FRMPD4: variants seen among roughly 807,000 people sequenced by gnomAD.
The protein encoded by FRMPD4 is FERM and PDZ domain containing 4.
Under a neutral mutation model 94.1 loss-of-function variants are expected in FRMPD4, and 22 were observed. That is an observed-to-expected ratio of 0.23 (90% confidence interval 0.17 to 0.33). The LOEUF (loss-of-function observed/expected upper bound fraction) is 0.33, where lower values mean the gene tolerates loss of function less well. Among genes scored for constraint, FRMPD4 ranks in the 10% least tolerant of loss-of-function variants. FRMPD4 has a pLI of 1.00. For missense variants in FRMPD4, 1,111 were observed against 1,339.9 expected (o/e 0.83, Z 2.67); for synonymous variants, 631 against 548.6 (o/e 1.15, Z -2.10).
chrX:12,024,703 A>T (rs1024585697), intron 3 of FRMPD4, among the ~76,000 whole-genome samples: 11 of 112,340 alleles, frequency 9.8e-5, no homozygotes, highest in African/African-American at 3.6e-4. Flanking sequence ...AATAATTCAC[A>T]TGCTTGCTTT....
At chrX:12,624,714 T>C (rs73446863) in intron 4 of FRMPD4, among the ~76,000 whole-genome samples, 1,304 of 111,207 alleles carry the variant, frequency 0.012, 19 homozygotes, top group African/African-American at 0.039. Flanking sequence ...CTTTGTATAA[T>C]AGGAATCGCA....
chrX:12,153,123 A>G (rs984725027), intron 1 of FRMPD4, among the ~76,000 whole-genome samples: 101 of 110,362 alleles, frequency 9.2e-4, no homozygotes, highest in Middle Eastern at 4.7e-3. Context: ...TTTTTAGTAG[A>G]GACGGGGTTT....
At chrX:12,220,674 CAT>C (rs917020016) in intron 1 of FRMPD4, among the ~76,000 whole-genome samples, 3 of 111,904 alleles carry the variant, frequency 2.7e-5, no homozygotes, top group Non-Finnish European at 5.6e-5. Context: ...CTGTGGTTAA[CAT>C]ATAATATTTT....
At chrX:11,958,938 G>A (rs192850807) in intron 3 of FRMPD4, among the ~76,000 whole-genome samples, 77 of 111,941 alleles carry the variant, frequency 6.9e-4, no homozygotes, top group Admixed American at 5.7e-3. Context: ...AGCCAACATA[G>A]GATGTGTTTG....
intron 1 of FRMPD4, among the ~76,000 whole-genome samples, chrX:12,222,466 G>A (rs1217468910): frequency 8.9e-6 from 1 of 112,106 alleles, no homozygotes; most frequent in African/African-American, 3.2e-5. Flanking sequence ...TTGAATTATA[G>A]CTCTCCAAAA....
chrX:11,896,453 C>T (rs907366247), intron 3 of FRMPD4, among the ~76,000 whole-genome samples: 1 of 110,991 alleles, frequency 9.0e-6, no homozygotes, highest in African/African-American at 3.3e-5. Context: ...GATTCGTGCC[C>T]TTATCAAAGA....
intron 1 of FRMPD4, among the ~76,000 whole-genome samples, chrX:12,386,794 A>T (rs1470144521): frequency 9.0e-6 from 1 of 111,540 alleles, no homozygotes; most frequent in Non-Finnish European, 1.9e-5. Context: ...TAAAATGGCA[A>T]GAATTTGTCA....
chrX:12,150,657 G>C (rs1366780107), intron 1 of FRMPD4, among the ~76,000 whole-genome samples: 5 of 111,274 alleles, frequency 4.5e-5, no homozygotes, highest in Non-Finnish European at 9.4e-5. Flanking sequence ...AACTTTTTAC[G>C]ATAAAAGCAT....
At chrX:12,116,858 CT>C (rs772963243) in intron 3 of FRMPD4, among the ~76,000 whole-genome samples, 2 of 111,932 alleles carry the variant, frequency 1.8e-5, no homozygotes, top group Admixed American at 9.5e-5. Flanking sequence ...GATGAATAAC[CT>C]TTGAAAATCC....
At chrX:11,959,158 C>T (rs2054271635) in intron 3 of FRMPD4, among the ~76,000 whole-genome samples, 1 of 112,502 alleles carries the variant, frequency 8.9e-6, no homozygotes, top group Admixed American at 9.4e-5. Context: ...GAAAAGATGT[C>T]AACTGAAGAA....
chrX:12,167,758 T>C (rs1182019756), intron 1 of FRMPD4, among the ~76,000 whole-genome samples: 3 of 112,106 alleles, frequency 2.7e-5, no homozygotes, highest in African/African-American at 6.5e-5. Context: ...CCAACAGCTA[T>C]TGGGATCATG....
chrX:12,167,287 T>C (rs1321222001), intron 1 of FRMPD4, among the ~76,000 whole-genome samples: 3 of 112,203 alleles, frequency 2.7e-5, no homozygotes, highest in Non-Finnish European at 5.6e-5. Context: ...AACATCTTTG[T>C]TTCTGCCTTC....
chrX:11,859,875 T>C (rs1184289640), intron 1 of FRMPD4, among the ~76,000 whole-genome samples: 1 of 112,214 alleles, frequency 8.9e-6, no homozygotes, highest in African/African-American at 3.2e-5. Flanking sequence ...TCAAATAAAA[T>C]GCTCATTGCT....
At chrX:12,117,655 G>T (rs922994124) in intron 3 of FRMPD4, among the ~76,000 whole-genome samples, 3 of 111,721 alleles carry the variant, frequency 2.7e-5, no homozygotes, top group Non-Finnish European at 5.6e-5. Flanking sequence ...GGCACGCAAG[G>T]CTCCCATGCT....
At chrX:11,909,118 G>A (rs958318580) in intron 3 of FRMPD4, among the ~76,000 whole-genome samples, 6 of 111,720 alleles carry the variant, frequency 5.4e-5, no homozygotes, top group Non-Finnish European at 1.1e-4. Context: ...AAAAGTTTGT[G>A]TATAATTGGT....
intron 1 of FRMPD4, among the ~76,000 whole-genome samples, chrX:11,854,451 T>C (rs192501556): frequency 8.9e-6 from 1 of 111,916 alleles, no homozygotes; most frequent in East Asian, 2.8e-4. Flanking sequence ...CAAAGTCTCA[T>C]CTGAGACAAG....
intron 1 of FRMPD4, among the ~76,000 whole-genome samples, chrX:11,858,560 G>C (rs769464566): frequency 2.3e-4 from 26 of 110,788 alleles, no homozygotes; most frequent in African/African-American, 6.9e-4. Flanking sequence ...GAGGGCAGAG[G>C]GTGGGAGGAG....
At chrX:11,846,435 C>T (rs2053577460) in intron 1 of FRMPD4, among the ~76,000 whole-genome samples, 2 of 110,270 alleles carry the variant, frequency 1.8e-5, no homozygotes, top group African/African-American at 6.7e-5. Context: ...GAATCAATAT[C>T]GTGAAAATGG....
At chrX:12,075,569 C>A (rs917198744) in intron 3 of FRMPD4, among the ~76,000 whole-genome samples, 1 of 112,350 alleles carries the variant, frequency 8.9e-6, no homozygotes, top group Non-Finnish European at 1.9e-5. Flanking sequence ...GTCCTCAGAA[C>A]CTTGTCTGCG....
Sources: gnomAD v4.1 joint callset for allele counts (sites outside exome capture counted in the v4.1 genomes callset) on GRCh38, gnomAD v4.1.1 for gene constraint, MANE v1.5 for transcripts, NCBI Gene and HGNC (gene_info 2026-07-23, HGNC 2026-07-21) for gene names.